Variants in CBLIF observed in about 807,000 individuals in gnomAD.
The protein encoded by CBLIF is cobalamin binding intrinsic factor.
CBLIF carries 24 observed loss-of-function variants against 44.9 expected under a neutral mutation model. The observed-to-expected ratio is 0.53, with a 90% CI of 0.39 to 0.75. The LOEUF (loss-of-function observed/expected upper bound fraction) is 0.75. Ranked by LOEUF, CBLIF falls within the 30% of genes least tolerant of loss-of-function variation. CBLIF has a pLI of 0.00. For synonymous variants in CBLIF, 183 were observed against 190.9 expected (o/e 0.96, Z 0.34); for missense variants, 481 against 513.0 (o/e 0.94, Z 0.60).
intron 7 of CBLIF, among the ~76,000 whole-genome samples, chr11:59,833,087 T>G (rs1261552915): frequency 1.3e-5 from 2 of 152,266 alleles, no homozygotes; most frequent in East Asian, 1.9e-4. Context: ...TAGATGATTT[T>G]TCTTCTTTTT....
rs1421415077 is a variant in CBLIF at position 59,842,448 on chromosome 11, T to C, written c.506A>G (p.Asn169Ser). Residue 169 changes from asparagine (N) to serine (S), a missense_variant, in exon 4 of 9, where the codon AAT becomes AGT. Coordinates refer to ENST00000257248, the MANE Select transcript of CBLIF (RefSeq NM_005142.3). The part of the protein sequence containing the change: ...KTLLANSSPF[N>S]VDTGAMATLA... Reference sequence around the variant, plus strand: ...GGTAGTGGTGACCTACTCACCTACATTGAAGGGAGAGGAGTTGGCCAGCAG... The same window carrying C: ...GGTAGTGGTGACCTACTCACCTACACTGAAGGGAGAGGAGTTGGCCAGCAG... 7 of 1,613,484 alleles carry C rather than the reference T, an allele frequency of 4.3e-6. No homozygotes were observed. The Admixed American group carries it at 5.0e-5, about 12-fold the overall frequency.
chr11:59,840,842 A>T (rs1866516327), intron 5 of CBLIF: 1 of 283,126 alleles, frequency 3.5e-6, no homozygotes, highest in East Asian at 8.3e-5. Context: ...TTACAAATAA[A>T]CTGATCATTA....
intron 7 of CBLIF, among the ~76,000 whole-genome samples, chr11:59,835,414 G>A (rs930275955): frequency 7.9e-5 from 12 of 151,826 alleles, no homozygotes; most frequent in African/African-American, 2.7e-4. Context: ...GATTACAGGC[G>A]TGGGCCTCCC....
chr11:59,839,479 G>A (rs1036541356), intron 5 of CBLIF, among the ~76,000 whole-genome samples: 4 of 152,210 alleles, frequency 2.6e-5, no homozygotes, highest in African/African-American at 7.2e-5. Context: ...AAAATCTGGG[G>A]AAATTCAATA....
intron 7 of CBLIF, among the ~76,000 whole-genome samples, chr11:59,832,217 C>A (rs1866383520): frequency 6.6e-6 from 1 of 152,060 alleles, no homozygotes; most frequent in South Asian, 2.1e-4. Flanking sequence ...AGCAAACTAA[C>A]ACAGGAACAG....
chr11:59,838,224 T>C (rs973062134), intron 5 of CBLIF, among the ~76,000 whole-genome samples: 2 of 152,216 alleles, frequency 1.3e-5, no homozygotes, highest in Non-Finnish European at 2.9e-5. Context: ...TCTTGAGTAA[T>C]ACACCAAGCC....
At chr11:59,843,715 CAT>C (rs1354488199) in intron 2 of CBLIF, among the ~76,000 whole-genome samples, 162 bp downstream of exon 2, 1 of 152,174 alleles carries the variant, frequency 6.6e-6, no homozygotes, top group Non-Finnish European at 1.5e-5. Flanking sequence ...TGACTTCACA[CAT>C]GTTTCTTTCC....
Position 59,843,082 on chromosome 11 carries a change from G to C in CBLIF, c.316C>G (p.Pro106Ala). Residue 106 changes from proline (P) to alanine (A), a missense_variant, in exon 3 of 9, where the codon CCT becomes GCT. By Grantham distance (27) the Pro-to-Ala change is conservative (BLOSUM62 -1). Transcript: ENST00000257248. ...IMALTSSCRD[P>A]GDKVSILQRQ... ...TGTAGAATGGATACTTTATCCCCAG[G>C]GTCTCGGCAGGAGGAGGTGAGGGCC... 1 of 1,613,846 alleles carries C rather than the reference G, an allele frequency of 6.2e-7. No individual in the cohort carries two copies. The highest frequency in any genetic ancestry group is 1.7e-5 in the Admixed American group (1 of 60,016).
At chr11:59,832,115 C>T (rs1024107197) in intron 7 of CBLIF, among the ~76,000 whole-genome samples, 2 of 152,272 alleles carry the variant, frequency 1.3e-5, no homozygotes, top group Non-Finnish European at 1.5e-5. Flanking sequence ...AATGCTTTAA[C>T]CAGTTTACTA....
intron 8 of CBLIF, among the ~76,000 whole-genome samples, chr11:59,830,458 T>C (rs374876261): frequency 1.0e-3 from 156 of 152,024 alleles, no homozygotes; most frequent in Middle Eastern, 3.4e-3. Context: ...AGGATGGTCT[T>C]GATCTCCTGA....
intron 7 of CBLIF, among the ~76,000 whole-genome samples, chr11:59,835,326 G>A (rs1866438582): frequency 6.6e-6 from 1 of 151,990 alleles, no homozygotes; most frequent in South Asian, 2.1e-4. Flanking sequence ...TGTGTTTTTA[G>A]TAGAGACGGG....
intron 7 of CBLIF, among the ~76,000 whole-genome samples, chr11:59,834,568 CT>C (rs1866428864): frequency 6.6e-6 from 1 of 150,746 alleles, no homozygotes; most frequent in African/African-American, 2.4e-5. Flanking sequence ...AATTTTTGTA[CT>C]TTTAGTAGAG....
At chr11:59,834,687 T>G (rs937949265) in intron 7 of CBLIF, among the ~76,000 whole-genome samples, 3 of 152,116 alleles carry the variant, frequency 2.0e-5, no homozygotes, top group Non-Finnish European at 4.4e-5. Context: ...CCACTGTGCC[T>G]GGACTATACC....
chr11:59,837,626 G>C (rs1866472865), intron 5 of CBLIF, among the ~76,000 whole-genome samples: 1 of 152,224 alleles, frequency 6.6e-6, no homozygotes, highest in Non-Finnish European at 1.5e-5. Flanking sequence ...AACGACTCTT[G>C]AATGTAGAGT....
At chr11:59,843,500 C>T (rs376958934) in intron 2 of CBLIF, among the ~76,000 whole-genome samples, 5 of 152,130 alleles carry the variant, frequency 3.3e-5, no homozygotes, top group East Asian at 3.9e-4. Context: ...ATAGGCAGAA[C>T]AGAGATTTTA....
intron 8 of CBLIF, among the ~76,000 whole-genome samples, chr11:59,830,459 G>C (rs936278063): frequency 2.0e-5 from 3 of 151,784 alleles, no homozygotes; most frequent in Non-Finnish European, 1.5e-5. Context: ...GGATGGTCTT[G>C]ATCTCCTGAC....
intron 7 of CBLIF, among the ~76,000 whole-genome samples, chr11:59,833,637 C>T (rs1027396839): frequency 2.6e-5 from 4 of 152,110 alleles, no homozygotes; most frequent in Admixed American, 2.0e-4. Context: ...TCAACAGAAC[C>T]GGGTGGAATA....
At position 59,841,147 on chromosome 11, in the gene CBLIF, A is replaced by G; in HGVS notation, c.689T>C (p.Met230Thr). 2 of 1,612,086 alleles carry G rather than the reference A, an allele frequency of 1.2e-6. No individual in the cohort carries two copies. Among genetic ancestry groups the G allele is most frequent in the Non-Finnish European group, 1.7e-6 (2 of 1,178,084 alleles). Residue 230 changes from methionine (M) to threonine (T), a missense_variant, in exon 5 of 9, where the codon ATG becomes ACG. Coordinates refer to ENST00000257248, the MANE Select transcript of CBLIF (RefSeq NM_005142.3). ...GAGCATCCAGCACGTGTTTACCTGCATGGCGAGGCCAGTACTGTAGATGTC... is the reference window on the plus strand; with the variant it reads ...GAGCATCCAGCACGTGTTTACCTGCGTGGCGAGGCCAGTACTGTAGATGTC... ...IGDIYSTGLA[M>T]QALSVTPEPS... is the part of the protein sequence containing the mutation.
chr11:59,842,385 C>T (rs999338508), intron 4 of CBLIF, 58 bp downstream of exon 4: 2 of 1,584,874 alleles, frequency 1.3e-6, no homozygotes, highest in South Asian at 2.2e-5. Context: ...GCCAGCTCCA[C>T]CATTCAGTTC....
Sources: allele counts gnomAD v4.1 joint callset (sites outside exome capture counted in the v4.1 genomes callset), GRCh38; gene constraint gnomAD v4.1.1; transcripts MANE v1.5; gene names NCBI Gene and HGNC (gene_info 2026-07-23, HGNC 2026-07-21).